The following EEFSEC variants were observed in gnomAD, a reference collection of about 807,000 sequenced individuals.
The protein encoded by EEFSEC is selenocysteine-specific elongation factor.
A neutral mutation model predicts 42.1 loss-of-function variants in EEFSEC; 43 were observed. The observed-to-expected ratio is 1.02, with a 90% confidence interval of 0.80 to 1.32. The LOEUF (loss-of-function observed/expected upper bound fraction) is 1.32, where lower values mean the gene tolerates loss of function less well. EEFSEC is among the 40% of genes most tolerant of loss of function. The probability of loss-of-function intolerance (pLI) is 0.00; values close to 1 mark genes in which losing one functional copy is unlikely to be tolerated. For missense variants in EEFSEC, 745 were observed against 803.6 expected (o/e 0.93, Z 0.88); for synonymous variants, 354 against 339.1 (o/e 1.04, Z -0.48).
chr3:128,308,944 T>A (rs1048999095), intron 4 of EEFSEC, among the ~76,000 whole-genome samples: 7 of 152,262 alleles, frequency 4.6e-5, no homozygotes, highest in African/African-American at 1.4e-4. Flanking sequence ...CCGTGAGGTG[T>A]GTTTGTTTTG....
chr3:128,208,342 C>T (rs138357394), intron 1 of EEFSEC, among the ~76,000 whole-genome samples: 2 of 152,274 alleles, frequency 1.3e-5, no homozygotes, highest in Admixed American at 6.5e-5. Context: ...CCCTTCTGTC[C>T]GTGATGTCAT....
At chr3:128,288,170 G>A (rs570130367) in intron 4 of EEFSEC, among the ~76,000 whole-genome samples, 6 of 152,228 alleles carry the variant, frequency 3.9e-5, no homozygotes, top group African/African-American at 1.4e-4. Context: ...GTTTGGCACA[G>A]GTGCTTTTTT....
At chr3:128,259,593 T>G (rs1242486029) in intron 2 of EEFSEC, among the ~76,000 whole-genome samples, 1 of 152,178 alleles carries the variant, frequency 6.6e-6, no homozygotes, top group African/African-American at 2.4e-5. Context: ...ACTATCTAAT[T>G]CCAGAACATT....
chr3:128,173,499 T>C (rs572070017), intron 1 of EEFSEC, among the ~76,000 whole-genome samples: 1 of 152,248 alleles, frequency 6.6e-6, no homozygotes, highest in Non-Finnish European at 1.5e-5. Flanking sequence ...GATATGATGG[T>C]GGAGATAGAG....
At chr3:128,251,943 G>T (rs2066191348) in intron 2 of EEFSEC, among the ~76,000 whole-genome samples, 1 of 152,188 alleles carries the variant, frequency 6.6e-6, no homozygotes, top group South Asian at 2.1e-4. Context: ...TCAAATTAAA[G>T]TGTTTTTCCC....
At chr3:128,282,232 G>T (rs2107968167) in intron 4 of EEFSEC, among the ~76,000 whole-genome samples, 1 of 152,354 alleles carries the variant, frequency 6.6e-6, no homozygotes, top group Middle Eastern at 3.4e-3. Flanking sequence ...GCCACTGGTG[G>T]TGGGAAGTGG....
intron 6 of EEFSEC, among the ~76,000 whole-genome samples, chr3:128,361,218 C>G (rs1378196037): frequency 6.6e-6 from 1 of 152,082 alleles, no homozygotes; most frequent in Non-Finnish European, 1.5e-5. Flanking sequence ...ATCAGCCTTT[C>G]ACCTTGGGTT....
rs2065439860 is a variant in EEFSEC, at chr3:128,184,094, TG to T, written c.316+30273del. ...AAACAATTCCTAGATTTGATTGATCTGGCCTTCCAGATACCCTCAAATTCCA... is the reference window on the plus strand; with the variant it reads ...AAACAATTCCTAGATTTGATTGATCTGCCTTCCAGATACCCTCAAATTCCA... On this transcript the variant is annotated intron_variant, in intron 1 of 6. Transcript: ENST00000254730. Among the ~76,000 whole-genome samples the T allele has an allele frequency of 2.0e-5, 3 of 152,242 alleles. No individual in the cohort carries two copies. The South Asian group carries it at 6.2e-4, about 31-fold the overall frequency.
Position 128,358,272 on chromosome 3 carries a change from TC to T in EEFSEC, c.1501del (p.Gln501SerfsTer44). The part of the protein sequence containing the change: ...GRSLFKKETN[I>X]QLFVGLKVHL... The stretch of plus-strand genomic sequence containing the variant: ...TCCCTGTTCAAAAAGGAAACCAACA[TC>T]CAGCTCTTCGTGGGGCTCAAGGTGC... On this transcript the variant is annotated frameshift_variant, in exon 6 of 7. Coordinates refer to ENST00000254730, the MANE Select transcript of EEFSEC (RefSeq NM_021937.5). LOFTEE classifies it high-confidence loss of function. 2 of 1,614,194 alleles carry T rather than the reference TC, an allele frequency of 1.2e-6. No homozygotes were observed. Among genetic ancestry groups the T allele is most frequent in the Non-Finnish European group, 1.7e-6 (2 of 1,180,028 alleles).
intron 6 of EEFSEC, among the ~76,000 whole-genome samples, chr3:128,385,319 C>T (rs373561071): frequency 6.6e-6 from 1 of 152,154 alleles, no homozygotes; most frequent in Non-Finnish European, 1.5e-5. Flanking sequence ...CAGTGGGGAG[C>T]GGGGAGTGTG....
At chr3:128,422,933 C>T in the EEFSEC span, among the ~76,000 whole-genome samples, 4 of 152,360 alleles carry the variant, frequency 2.6e-5, no homozygotes, top group African/African-American at 7.2e-5. Flanking sequence ...AGGCTACTAG[C>T]CCTCCCAGAG....
chr3:128,169,156 G>A (rs1027062954), intron 1 of EEFSEC, among the ~76,000 whole-genome samples: 3 of 152,216 alleles, frequency 2.0e-5, no homozygotes, highest in African/African-American at 7.2e-5. Context: ...ACTAATGGAT[G>A]TGGGGCATCT....
At chr3:128,363,666 G>A (rs2067555684) in intron 6 of EEFSEC, among the ~76,000 whole-genome samples, 1 of 152,218 alleles carries the variant, frequency 6.6e-6, no homozygotes, top group African/African-American at 2.4e-5. Flanking sequence ...CCCCAGGGCT[G>A]CAGGGGCTGT....
rs561990963 is a variant in EEFSEC, at chr3:128,338,582, G to C, written c.787-2651G>C. Among the ~76,000 whole-genome samples, 14 of 152,280 alleles carry C rather than the reference G, an allele frequency of 9.2e-5. No homozygotes were observed. The South Asian group carries it at 2.9e-3, about 32-fold the overall frequency. On this transcript the variant is annotated intron_variant, in intron 4 of 6. Coordinates refer to ENST00000254730, the MANE Select transcript of EEFSEC (RefSeq NM_021937.5). ...AATTTGCCAGTGGAAGAAATCCCAGGGAGCAGCCTCAGGGGCAAAGCACAG... is the reference window on the plus strand; with the variant it reads ...AATTTGCCAGTGGAAGAAATCCCAGCGAGCAGCCTCAGGGGCAAAGCACAG...
In EEFSEC at chr3:128,345,723, A is replaced by G. The variant is rs114480467; in HGVS notation, c.1443+3834A>G. Among the ~76,000 whole-genome samples the G allele has an allele frequency of 4.5e-3, 693 of 152,336 alleles. 4 individuals carry two copies. Among genetic ancestry groups the G allele is most frequent in the African/African-American group, 0.015 (608 of 41,574 alleles). On this transcript the variant is annotated intron_variant, in intron 5 of 6. Transcript: ENST00000254730. ...CTGAGAACCTGGGCTTGGGTCTCTGAGCTATCTCAGTTCATCACAAAGGGA... is the reference window on the plus strand; with the variant it reads ...CTGAGAACCTGGGCTTGGGTCTCTGGGCTATCTCAGTTCATCACAAAGGGA...
rs527576286 is a variant in EEFSEC at position 128,361,975 on chromosome 3, C to T, written c.1600+3602C>T. ...TTATCTCCATCTCACAGGTGGGAGC[C>T]GGGTAGCAGAGAGCCTGAGGGCTTT... On this transcript the variant is annotated intron_variant, in intron 6 of 6. Transcript: ENST00000254730. 2.6e-5 allele frequency among the ~76,000 whole-genome samples: 4 copies of T among 152,260 alleles called. No individual in the cohort carries two copies. The South Asian group carries it at 8.3e-4, about 32-fold the overall frequency.
the EEFSEC span, among the ~76,000 whole-genome samples, chr3:128,420,710 C>T: frequency 2.6e-5 from 4 of 152,198 alleles, no homozygotes; most frequent in Admixed American, 6.5e-5. Context: ...AGGACAGTAC[C>T]GGAGGGGAGA....
At position 128,167,684 on chromosome 3, in the gene EEFSEC, A is replaced by C. The variant is rs1248886154; in HGVS notation, c.316+13861A>C. Among the ~76,000 whole-genome samples the C allele has an allele frequency of 2.6e-5, 4 of 152,270 alleles. No homozygotes were observed. In the East Asian group the frequency reaches 7.7e-4, roughly 29 times the overall value. ...GACCTCAGTGCAGCTCACCGCACAC[A>C]GTGAGGGCCCAGCGGCCCTGTTGTT... is the stretch of plus-strand genomic sequence containing the variant. On this transcript the variant is annotated intron_variant, in intron 1 of 6. Transcript: ENST00000254730.
chr3:128,319,262 G>A lies in EEFSEC; in HGVS notation c.787-21971G>A, dbSNP rs375900019. Among the ~76,000 whole-genome samples, 117 of 152,316 alleles carry A rather than the reference G, an allele frequency of 7.7e-4. 3 individuals are homozygous for A. The South Asian group carries it at 0.024, about 31-fold the overall frequency. ...GGGCGGGAGCCAGCTTACCCTGCCT[G>A]CTGCCTCACCAGGGGACAGCAGGCT... On this transcript the variant is annotated intron_variant, in intron 4 of 6. Transcript: ENST00000254730.
Sources: gnomAD v4.1 joint callset for allele counts (sites outside exome capture counted in the v4.1 genomes callset) on GRCh38, gnomAD v4.1.1 for gene constraint, MANE v1.5 for transcripts, NCBI Gene and HGNC (gene_info 2026-07-23, HGNC 2026-07-21) for gene names.